The following PPP1R16B variants were observed in gnomAD, a reference collection of about 807,000 sequenced individuals.
PPP1R16B encodes the protein protein phosphatase 1 regulatory subunit 16B.
PPP1R16B carries 14 observed loss-of-function variants against 61.7 expected under a neutral mutation model. The observed-to-expected ratio is 0.23, with a 90% CI of 0.15 to 0.35. The LOEUF is 0.35. PPP1R16B is among the 10% of genes least tolerant of loss of function. PPP1R16B has a pLI of 1.00. For synonymous variants in PPP1R16B, 266 were observed against 305.3 expected (o/e 0.87, Z 1.34); for missense variants, 547 against 752.5 (o/e 0.73, Z 3.19).
chr20:38,829,695 C>A (rs774697397), intron 1 of PPP1R16B, among the ~76,000 whole-genome samples: 4 of 152,230 alleles, frequency 2.6e-5, no homozygotes, highest in Non-Finnish European at 5.9e-5. Flanking sequence ...CCATGGCTGC[C>A]GTGGGCTGCC....
intron 1 of PPP1R16B, among the ~76,000 whole-genome samples, chr20:38,828,960 C>T (rs754858893): frequency 4.6e-5 from 7 of 152,088 alleles, no homozygotes; most frequent in African/African-American, 7.2e-5. Context: ...ATATTTTGGG[C>T]GATGCTATTA....
rs935850742 is a variant in PPP1R16B, at chr20:38,884,957, G to A, written c.251-4638G>A. On this transcript the variant is annotated intron_variant, in intron 2 of 10. Coordinates refer to ENST00000299824, the MANE Select transcript of PPP1R16B (RefSeq NM_015568.4). The stretch of plus-strand genomic sequence containing the variant: ...ATGGTGGCACATGACTGTAGTCCCA[G>A]GTACTTGGGAGGCTGAGGCAGAAGA... 7.4e-5 allele frequency among the ~76,000 whole-genome samples: 11 copies of A among 149,148 alleles called. No homozygotes were observed. In the East Asian group the frequency reaches 2.2e-3, roughly 29 times the overall value.
At chr20:38,810,004 A>C (rs1480719547) in intron 1 of PPP1R16B, among the ~76,000 whole-genome samples, 93 of 151,556 alleles carry the variant, frequency 6.1e-4, no homozygotes, top group Non-Finnish European at 8.2e-4. Context: ...AAAAAAAAAA[A>C]AACAAAACCA....
chr20:38,863,727 A>G (rs2085071187), intron 2 of PPP1R16B, among the ~76,000 whole-genome samples: 1 of 152,236 alleles, frequency 6.6e-6, no homozygotes, highest in South Asian at 2.1e-4. Context: ...GGTATATAGT[A>G]GGTGCTCAAT....
chr20:38,817,870 C>T (rs926481501), intron 1 of PPP1R16B, among the ~76,000 whole-genome samples: 1 of 152,140 alleles, frequency 6.6e-6, no homozygotes, highest in Admixed American at 6.5e-5. Flanking sequence ...CGGTGAAACC[C>T]CGTCTCCACT....
intron 2 of PPP1R16B, among the ~76,000 whole-genome samples, chr20:38,871,860 A>T (rs750211045): frequency 6.6e-6 from 1 of 152,262 alleles, no homozygotes; most frequent in Admixed American, 6.5e-5. Flanking sequence ...TGTAAGCCAC[A>T]TATGTAATTT....
chr20:38,898,936 G>A (rs1255396167), intron 4 of PPP1R16B, among the ~76,000 whole-genome samples: 1 of 152,154 alleles, frequency 6.6e-6, no homozygotes, highest in African/African-American at 2.4e-5. Flanking sequence ...GCTGGGCACT[G>A]GGCACACAGG....
intron 2 of PPP1R16B, among the ~76,000 whole-genome samples, chr20:38,885,454 T>C (rs193011723): frequency 6.2e-4 from 94 of 152,324 alleles, no homozygotes; most frequent in African/African-American, 2.2e-3. Flanking sequence ...CTGCTGTCCA[T>C]TTCCCATTAC....
chr20:38,852,037 G>A (rs1260580329), intron 2 of PPP1R16B, among the ~76,000 whole-genome samples: 1 of 152,078 alleles, frequency 6.6e-6, no homozygotes, highest in Non-Finnish European at 1.5e-5. Flanking sequence ...TGTATCTCGC[G>A]GGGACGGCGG....
chr20:38,902,893 CT>C, intron 6 of PPP1R16B, 101 bp downstream of exon 6: 1 of 1,534,916 alleles, frequency 6.5e-7, no homozygotes, highest in Non-Finnish European at 8.8e-7. Context: ...TGTCTGTGAC[CT>C]TGGACCTCCG....
intron 1 of PPP1R16B, among the ~76,000 whole-genome samples, chr20:38,826,977 T>C (rs1211730448): frequency 6.6e-6 from 1 of 152,120 alleles, no homozygotes; most frequent in African/African-American, 2.4e-5. Context: ...AGAGACAGGG[T>C]CTTGTCCTGT....
chr20:38,878,311 T>C (rs1219902039), intron 2 of PPP1R16B, among the ~76,000 whole-genome samples: 1 of 152,054 alleles, frequency 6.6e-6, no homozygotes, highest in Non-Finnish European at 1.5e-5. Flanking sequence ...AGACCAAAAT[T>C]GAAAGCCAAG....
chr20:38,859,617 AAG>A (rs756661279), intron 2 of PPP1R16B, among the ~76,000 whole-genome samples: 5 of 152,120 alleles, frequency 3.3e-5, no homozygotes, highest in Non-Finnish European at 7.3e-5. Context: ...TCAACCTCCC[AAG>A]TAGCTAGGAC....
At chr20:38,814,852 T>C (rs1484398653) in intron 1 of PPP1R16B, among the ~76,000 whole-genome samples, 2 of 152,280 alleles carry the variant, frequency 1.3e-5, no homozygotes, top group East Asian at 1.9e-4. Flanking sequence ...AACATACAAA[T>C]TTTGACACTT....
chr20:38,892,157 A>G (rs963699565), intron 3 of PPP1R16B, among the ~76,000 whole-genome samples: 5 of 152,144 alleles, frequency 3.3e-5, no homozygotes, highest in African/African-American at 1.2e-4. Flanking sequence ...CACAGCTGCA[A>G]TTCTCTGAGC....
chr20:38,844,420 G>A (rs1463027482), intron 2 of PPP1R16B, among the ~76,000 whole-genome samples: 1 of 152,224 alleles, frequency 6.6e-6, no homozygotes, highest in Non-Finnish European at 1.5e-5. Flanking sequence ...AAATACTCAA[G>A]TCTGAATAAC....
At chr20:38,855,454 C>G (rs935043968) in intron 2 of PPP1R16B, among the ~76,000 whole-genome samples, 11 of 151,996 alleles carry the variant, frequency 7.2e-5, no homozygotes, top group African/African-American at 2.7e-4. Flanking sequence ...GCCAACCTTC[C>G]CCTGAATGGG....
chr20:38,887,736 G>T (rs139312593), intron 2 of PPP1R16B, among the ~76,000 whole-genome samples: 1 of 152,248 alleles, frequency 6.6e-6, no homozygotes, highest in African/African-American at 2.4e-5. Flanking sequence ...GGATCTGACC[G>T]TACTGGACAA....
chr20:38,889,772 G>A (rs1000764619), intron 3 of PPP1R16B, 107 bp downstream of exon 3: 4 of 1,192,518 alleles, frequency 3.4e-6, no homozygotes, highest in Non-Finnish European at 3.7e-6. Context: ...GAGGGAATGA[G>A]GGAGGGAGGA....
Sources: allele counts gnomAD v4.1 joint callset (sites outside exome capture counted in the v4.1 genomes callset), GRCh38; gene constraint gnomAD v4.1.1; transcripts MANE v1.5; gene names NCBI Gene and HGNC (gene_info 2026-07-23, HGNC 2026-07-21).